Variants in KCNB2 observed in about 807,000 individuals in gnomAD.
The protein encoded by KCNB2 is delayed rectifier potassium channel protein.
KCNB2 carries 15 observed loss-of-function variants against 61.5 expected under a neutral mutation model. The observed-to-expected ratio is 0.24, with a 90% CI of 0.16 to 0.38. The LOEUF is 0.38. Among genes scored for constraint, KCNB2 ranks in the 10% least tolerant of loss-of-function variants. The pLI, the probability that KCNB2 is intolerant of heterozygous loss-of-function variation, is 1.00. For synonymous variants in KCNB2, 457 were observed against 446.0 expected (o/e 1.02, Z -0.31); for missense variants, 828 against 1,125.2 (o/e 0.74, Z 3.78).
At chr8:72,897,525 A>C (rs1309060542) in intron 2 of KCNB2, among the ~76,000 whole-genome samples, 23 of 152,156 alleles carry the variant, frequency 1.5e-4, no homozygotes, top group Admixed American at 1.4e-3. Context: ...ATAGATCAAA[A>C]TTAAGTGTTT....
Position 72,936,508 on chromosome 8 carries a change from G to A in KCNB2, c.1153G>A (p.Gly385Ser). The change falls in exon 3 of 3, where the codon GGT (glycine) becomes AGT (serine). Residue 385 changes from glycine to serine, a missense_variant. Gly to Ser is a moderately conservative substitution (Grantham distance 56). Coordinates refer to ENST00000523207, the MANE Select transcript of KCNB2 (RefSeq NM_004770.3). This position sits in a 1 kb window ranked among gnomAD's most constrained non-coding sequence, Gnocchi z 5.6. ...CATCACCATGACCACTGTTGGCTAT[G>A]GTGACATTTACCCTAAAACATTACT... ...ATITMTTVGY[G>S]DIYPKTLLGK... 6.2e-7 allele frequency: 1 copy of A among 1,614,208 alleles called. No homozygotes were observed. The highest frequency in any genetic ancestry group is 8.5e-7 in the Non-Finnish European group (1 of 1,180,036).
intron 2 of KCNB2, among the ~76,000 whole-genome samples, chr8:72,705,155 C>A (rs916949946): frequency 7.2e-5 from 11 of 152,152 alleles, no homozygotes; most frequent in African/African-American, 2.4e-4. Context: ...CCTTTGACAT[C>A]TTTTCTCACT....
intron 2 of KCNB2, among the ~76,000 whole-genome samples, chr8:72,786,824 G>A (rs867683905): frequency 2.6e-5 from 4 of 152,062 alleles, no homozygotes; most frequent in African/African-American, 9.7e-5. Context: ...ATAATCATTG[G>A]AAAAAGAGAC....
intron 2 of KCNB2, among the ~76,000 whole-genome samples, chr8:72,783,020 C>A (rs561350107): frequency 6.6e-6 from 1 of 152,184 alleles, no homozygotes; most frequent in Non-Finnish European, 1.5e-5. Flanking sequence ...AGTTTACCTT[C>A]TGCAACACCA....
intron 2 of KCNB2, among the ~76,000 whole-genome samples, chr8:72,800,962 A>G (rs145041374): frequency 2.4e-3 from 362 of 152,314 alleles, no homozygotes; most frequent in African/African-American, 8.2e-3. Context: ...GGTTGATGCC[A>G]GAACTCACAA....
chr8:72,721,116 A>T (rs1807540615), intron 2 of KCNB2, among the ~76,000 whole-genome samples: 1 of 152,260 alleles, frequency 6.6e-6, no homozygotes, highest in South Asian at 2.1e-4. Context: ...TACATTAAAG[A>T]TACACTAAAA....
chr8:72,589,476 A>AGT (rs968079217), intron 2 of KCNB2, among the ~76,000 whole-genome samples: 1 of 152,168 alleles, frequency 6.6e-6, no homozygotes, highest in African/African-American at 2.4e-5. Flanking sequence ...ATAAGGAAGC[A>AGT]GTGTGTGTGT....
chr8:72,934,592 C>G (rs1806863171), intron 2 of KCNB2, among the ~76,000 whole-genome samples: 1 of 152,010 alleles, frequency 6.6e-6, no homozygotes, highest in African/African-American at 2.4e-5. Context: ...AATGTCTAAT[C>G]ACTGCCCTTT....
chr8:72,700,308 CCTAT>C (rs1807096030), intron 2 of KCNB2, among the ~76,000 whole-genome samples: 1 of 152,034 alleles, frequency 6.6e-6, no homozygotes, highest in Non-Finnish European at 1.5e-5. Context: ...CACATGTGTA[CCTAT>C]CTAACAAACC....
In KCNB2 at chr8:72,837,416, A is replaced by C. The variant is rs563105788; in HGVS notation, c.580-98519A>C. Among the ~76,000 whole-genome samples, 153 of 152,324 alleles carry C rather than the reference A, an allele frequency of 1.0e-3. 1 individual carries two copies. The highest frequency in any genetic ancestry group is 3.5e-3 in the African/African-American group (145 of 41,572). ...GAAACCTGGATTTTTAACAATTACC[A>C]ACAGCTTTTCACATTAAAACGCTCT... On this transcript the variant is annotated intron_variant, in intron 2 of 2. Transcript: ENST00000523207.
intron 2 of KCNB2, among the ~76,000 whole-genome samples, chr8:72,910,839 C>T (rs968534876): frequency 3.9e-5 from 6 of 152,126 alleles, no homozygotes; most frequent in African/African-American, 1.2e-4. Flanking sequence ...AGTATTCTGA[C>T]GATTGAAATT....
intron 2 of KCNB2, among the ~76,000 whole-genome samples, chr8:72,739,471 C>G (rs1207848293): frequency 6.6e-6 from 1 of 151,716 alleles, no homozygotes; most frequent in African/African-American, 2.4e-5. Context: ...TTGGAGGGCA[C>G]AAAACCTTTT....
intron 2 of KCNB2, among the ~76,000 whole-genome samples, chr8:72,584,161 A>G (rs548982368): frequency 1.3e-5 from 2 of 152,294 alleles, no homozygotes; most frequent in East Asian, 3.9e-4. Flanking sequence ...ACAAAAGTAA[A>G]ACCAGGCACA....
chr8:72,654,410 C>G (rs1806259047), intron 2 of KCNB2, among the ~76,000 whole-genome samples: 1 of 152,136 alleles, frequency 6.6e-6, no homozygotes, highest in African/African-American at 2.4e-5. Context: ...AAAATGCCAT[C>G]ATTTTTGTAT....
intron 2 of KCNB2, among the ~76,000 whole-genome samples, chr8:72,698,482 C>T (rs1338073951): frequency 6.6e-6 from 1 of 152,070 alleles, no homozygotes; most frequent in African/African-American, 2.4e-5. Context: ...AAACTACAAA[C>T]ATCATTTTTC....
intron 2 of KCNB2, among the ~76,000 whole-genome samples, chr8:72,910,238 G>A (rs547218431): frequency 6.4e-4 from 97 of 152,278 alleles, no homozygotes; most frequent in African/African-American, 2.3e-3. Context: ...TCTTTGTAAG[G>A]CACTTAGCCT....
intron 2 of KCNB2, among the ~76,000 whole-genome samples, chr8:72,626,525 C>G (rs2128984602): frequency 6.6e-6 from 1 of 152,316 alleles, no homozygotes; most frequent in East Asian, 1.9e-4. Flanking sequence ...TGTTGAATTG[C>G]AGTTATGGTT....
At chr8:72,828,366 A>G (rs1026479368) in intron 2 of KCNB2, among the ~76,000 whole-genome samples, 33 of 152,184 alleles carry the variant, frequency 2.2e-4, no homozygotes, top group African/African-American at 8.0e-4. Context: ...TTCCATTAAT[A>G]AAAAATGGGT....
chr8:72,684,818 G>A (rs1338457880), intron 2 of KCNB2, among the ~76,000 whole-genome samples: 1 of 152,168 alleles, frequency 6.6e-6, no homozygotes, highest in African/African-American at 2.4e-5. Context: ...TTTCTGAGAT[G>A]TGCACCTCTC....
Sources: gnomAD v4.1 joint callset for allele counts (sites outside exome capture counted in the v4.1 genomes callset) on GRCh38, gnomAD v4.1.1 for gene constraint, Gnocchi (gnomAD v3.1) non-coding constraint, MANE v1.5 for transcripts, NCBI Gene and HGNC (gene_info 2026-07-23, HGNC 2026-07-21) for gene names.